The following CSTPP1 variants were observed in gnomAD, a reference collection of about 807,000 sequenced individuals.
CSTPP1 encodes the protein UPF0705 protein C11orf49.
At chr11:47,124,553 A>G in the CSTPP1 span, among the ~76,000 whole-genome samples, 1 of 152,382 alleles carries the variant, frequency 6.6e-6, no homozygotes, top group South Asian at 2.1e-4. Flanking sequence ...ACTTTAAAAT[A>G]TACTTTACTT....
At chr11:47,137,410 G>T in the CSTPP1 span, 2 of 1,508,232 alleles carry the variant, frequency 1.3e-6, no homozygotes, top group Non-Finnish European at 1.8e-6. Context: ...TACCAGTGAA[G>T]CTCCTTTGGT....
the CSTPP1 span, among the ~76,000 whole-genome samples, chr11:46,988,958 A>G: frequency 6.6e-6 from 1 of 152,210 alleles, no homozygotes; most frequent in Admixed American, 6.5e-5. Flanking sequence ...TAGGCCAGGC[A>G]TGGTGGCTCA....
the CSTPP1 span, among the ~76,000 whole-genome samples, chr11:47,076,834 CA>C: frequency 2.5e-3 from 302 of 118,822 alleles, no homozygotes; most frequent in Middle Eastern, 4.2e-3. Context: ...ACTCTGTCTC[CA>C]AAAAAAAAAA....
the CSTPP1 span, among the ~76,000 whole-genome samples, chr11:47,124,411 G>A: frequency 6.6e-5 from 10 of 151,762 alleles, no homozygotes; most frequent in East Asian, 1.9e-4. Flanking sequence ...CACCGCACCC[G>A]GCCTTAATGG....
At chr11:47,155,387 T>A in the CSTPP1 span, 1 of 844,190 alleles carries the variant, frequency 1.2e-6, no homozygotes, top group Non-Finnish European at 2.0e-6. Context: ...GGGGTGTGCT[T>A]CACTGCGGGT....
the CSTPP1 span, among the ~76,000 whole-genome samples, chr11:47,100,880 T>C: frequency 6.6e-6 from 1 of 152,198 alleles, no homozygotes; most frequent in Admixed American, 6.5e-5. Context: ...TGCTTTTGTT[T>C]TTAATAGAAT....
At chr11:47,070,367 C>A in the CSTPP1 span, among the ~76,000 whole-genome samples, 1 of 152,078 alleles carries the variant, frequency 6.6e-6, no homozygotes, top group East Asian at 1.9e-4. Flanking sequence ...GCATAACCTG[C>A]TCTTGATTCC....
chr11:46,960,937 T>C, the CSTPP1 span, among the ~76,000 whole-genome samples: 1 of 152,254 alleles, frequency 6.6e-6, no homozygotes, highest in East Asian at 1.9e-4. Context: ...AATGTTTGAT[T>C]GTATGGGTAC....
chr11:47,121,442 A>G, the CSTPP1 span, among the ~76,000 whole-genome samples: 1 of 152,198 alleles, frequency 6.6e-6, no homozygotes. Context: ...AATTGACTAG[A>G]TATTACTGTG....
chr11:46,991,576 A>G, the CSTPP1 span: 1 of 152,192 alleles, frequency 6.6e-6, no homozygotes, highest in East Asian at 1.9e-4. Context: ...CTACGGGTCA[A>G]GTTTCTATAC....
chr11:46,950,542 G>A, the CSTPP1 span, among the ~76,000 whole-genome samples: 1 of 152,016 alleles, frequency 6.6e-6, no homozygotes. Flanking sequence ...TTTTAATACA[G>A]AGATAATATT....
chr11:47,158,017 C>T, the CSTPP1 span: 1 of 1,112,546 alleles, frequency 9.0e-7, no homozygotes, highest in Admixed American at 1.8e-5. Flanking sequence ...GGGGAAGGGG[C>T]ATCACCATCT....
At chr11:47,060,831 T>C in the CSTPP1 span, among the ~76,000 whole-genome samples, 1 of 152,210 alleles carries the variant, frequency 6.6e-6, no homozygotes, top group Non-Finnish European at 1.5e-5. Flanking sequence ...TAGTAGAATC[T>C]TCTCCATTTG....
chr11:47,011,554 T>C, the CSTPP1 span, among the ~76,000 whole-genome samples: 1 of 152,228 alleles, frequency 6.6e-6, no homozygotes, highest in Non-Finnish European at 1.5e-5. Context: ...GAGAGTGATA[T>C]GAAGAAGAAA....
the CSTPP1 span, among the ~76,000 whole-genome samples, chr11:46,973,150 C>G: frequency 6.6e-6 from 1 of 152,134 alleles, no homozygotes; most frequent in East Asian, 1.9e-4. Context: ...AGTCATTACC[C>G]TGTTTAAAAC....
the CSTPP1 span, among the ~76,000 whole-genome samples, chr11:47,149,887 T>C: frequency 6.6e-6 from 1 of 151,848 alleles, no homozygotes; most frequent in Non-Finnish European, 1.5e-5. Context: ...AACTTCTGCT[T>C]GAACATTTCT....
the CSTPP1 span, chr11:46,991,523 A>AG: frequency 1.3e-5 from 2 of 152,182 alleles, no homozygotes; most frequent in East Asian, 3.8e-4. Context: ...GAGATTGAAT[A>AG]GCCTTGCTTG....
At chr11:47,018,531 G>A in the CSTPP1 span, among the ~76,000 whole-genome samples, 103 of 152,138 alleles carry the variant, frequency 6.8e-4, no homozygotes, top group African/African-American at 2.4e-3. Flanking sequence ...CTGACCTCGT[G>A]ATCCACCTGC....
At chr11:46,981,467 G>T in the CSTPP1 span, among the ~76,000 whole-genome samples, 28 of 152,088 alleles carry the variant, frequency 1.8e-4, no homozygotes, top group East Asian at 5.0e-3. Context: ...TGTTTAACTA[G>T]AAATAAACAT....
Sources: allele counts gnomAD v4.1 joint callset (sites outside exome capture counted in the v4.1 genomes callset), GRCh38; gene constraint gnomAD v4.1.1; transcripts MANE v1.5; gene names NCBI Gene and HGNC (gene_info 2026-07-23, HGNC 2026-07-21).